The following CPQ variants were observed in gnomAD, a reference collection of about 807,000 sequenced individuals.
CPQ encodes carboxypeptidase Q.
In CPQ, 37 loss-of-function variants were observed where a neutral mutation model predicts 45.7. That is an observed-to-expected ratio of 0.81 (90% CI 0.62 to 1.07). The LOEUF (loss-of-function observed/expected upper bound fraction) is 1.07, where lower values mean the gene tolerates loss of function less well. Ranked by LOEUF, CPQ falls within the 50% of genes least tolerant of loss-of-function variation. CPQ has a pLI of 0.00. For synonymous variants in CPQ, 186 were observed against 205.8 expected, an observed-to-expected ratio of 0.90 and a Z score of 0.82; for missense variants, 537 against 572.9, an observed-to-expected ratio of 0.94 and a Z score of 0.64.
intron 6 of CPQ, among the ~76,000 whole-genome samples, chr8:97,062,735 C>T (rs1434996177): frequency 6.6e-6 from 1 of 152,114 alleles, no homozygotes; most frequent in Non-Finnish European, 1.5e-5. Flanking sequence ...ATTTGGTTTT[C>T]CATTTCTGAC....
intron 4 of CPQ, among the ~76,000 whole-genome samples, chr8:96,904,098 A>T (rs556922815): frequency 6.6e-6 from 1 of 152,266 alleles, no homozygotes; most frequent in African/African-American, 2.4e-5. Context: ...TGGTGACCTC[A>T]CAGGGTCACC....
rs144852376 is a variant in CPQ, at chr8:96,794,389, C to T, written c.433+9059C>T. 7.4e-4 allele frequency among the ~76,000 whole-genome samples: 112 copies of T among 152,266 alleles called. 1 individual carries two copies. Among genetic ancestry groups the T allele is most frequent in the African/African-American group, 8.9e-4 (37 of 41,552 alleles). Reference sequence around the variant, plus strand: ...TGGCCCCTTTCAGCCACAACTAGAGCGACTGGAACGCAGGTCACCAATTCC... The same window carrying T: ...TGGCCCCTTTCAGCCACAACTAGAGTGACTGGAACGCAGGTCACCAATTCC... On this transcript the variant is annotated intron_variant, in intron 2 of 7. Transcript: ENST00000220763.
At chr8:96,742,087 CCATT>C (rs1221525811) in intron 1 of CPQ, among the ~76,000 whole-genome samples, 1 of 142,818 alleles carries the variant, frequency 7.0e-6, no homozygotes, top group African/African-American at 2.7e-5. Context: ...TTAAAGTCTC[CCATT>C]ATTAATGTGT....
intron 4 of CPQ, among the ~76,000 whole-genome samples, chr8:96,881,439 G>A (rs576255934): frequency 6.6e-6 from 1 of 152,270 alleles, no homozygotes; most frequent in African/African-American, 2.4e-5. Flanking sequence ...GCACCAGGGG[G>A]ATGGTGCTAA....
intron 4 of CPQ, among the ~76,000 whole-genome samples, chr8:96,958,216 A>C (rs1446544509): frequency 2.0e-5 from 3 of 152,148 alleles, no homozygotes; most frequent in Non-Finnish European, 4.4e-5. Flanking sequence ...AGTTGTAAGG[A>C]ATGAGAAGTT....
intron 3 of CPQ, among the ~76,000 whole-genome samples, chr8:96,839,755 T>C (rs1156726924): frequency 2.0e-5 from 3 of 152,164 alleles, no homozygotes; most frequent in Non-Finnish European, 2.9e-5. Context: ...ATTAGTGTTA[T>C]TTATTTTATA....
intron 7 of CPQ, among the ~76,000 whole-genome samples, chr8:97,066,919 T>A (rs1265776629): frequency 1.2e-4 from 3 of 25,616 alleles, no homozygotes; most frequent in Admixed American, 3.9e-4. Flanking sequence ...GAACAGTCTT[T>A]TTTTTTTTTT....
At chr8:96,682,321 T>A (rs1324418049) in intron 1 of CPQ, among the ~76,000 whole-genome samples, 2 of 152,162 alleles carry the variant, frequency 1.3e-5, no homozygotes, top group Non-Finnish European at 2.9e-5. Context: ...TACTCACTCG[T>A]GATAGTGAGT....
intron 5 of CPQ, among the ~76,000 whole-genome samples, chr8:97,010,878 A>G (rs1809475932): frequency 6.6e-6 from 1 of 152,104 alleles, no homozygotes; most frequent in Non-Finnish European, 1.5e-5. Flanking sequence ...ATATATTTAT[A>G]TTTAATATTT....
intron 4 of CPQ, among the ~76,000 whole-genome samples, chr8:96,951,038 T>G (rs1250470342): frequency 6.6e-6 from 1 of 152,152 alleles, no homozygotes; most frequent in Admixed American, 6.6e-5. Context: ...TTATGGAGAT[T>G]AAAATTCATA....
chr8:96,681,973 C>G (rs1809158776), intron 1 of CPQ, among the ~76,000 whole-genome samples: 1 of 152,132 alleles, frequency 6.6e-6, no homozygotes, highest in Non-Finnish European at 1.5e-5. Context: ...TGCTTGTACC[C>G]CCATTGTATC....
At chr8:97,005,184 C>T (rs147482086) in intron 5 of CPQ, among the ~76,000 whole-genome samples, 125 of 151,664 alleles carry the variant, frequency 8.2e-4, no homozygotes, top group Middle Eastern at 3.4e-3. Flanking sequence ...CGGGTTCAAG[C>T]GGTTCTTCTG....
At chr8:96,743,034 T>A (rs1212904636) in intron 1 of CPQ, among the ~76,000 whole-genome samples, 1 of 152,200 alleles carries the variant, frequency 6.6e-6, no homozygotes, top group Non-Finnish European at 1.5e-5. Flanking sequence ...CCTTGCTAGA[T>A]TGGGGAAGTT....
rs566662414 is a variant in CPQ at position 97,010,871 on chromosome 8, T to C, written c.962-18532T>C. On this transcript the variant is annotated intron_variant, in intron 5 of 7. Coordinates refer to ENST00000220763, the MANE Select transcript of CPQ (RefSeq NM_016134.4). Reference sequence around the variant, plus strand: ...TTTATTTCTGACAACAAAATTAATATATTTATATTTAATATTTGGAGCTTT... The same window carrying C: ...TTTATTTCTGACAACAAAATTAATACATTTATATTTAATATTTGGAGCTTT... 2.3e-3 allele frequency among the ~76,000 whole-genome samples: 346 copies of C among 152,288 alleles called. 1 individual carries two copies. Among genetic ancestry groups the C allele is most frequent in the African/African-American group, 7.9e-3 (329 of 41,562 alleles).
chr8:96,909,272 A>C (rs562516166), intron 4 of CPQ, among the ~76,000 whole-genome samples: 1 of 151,578 alleles, frequency 6.6e-6, no homozygotes, highest in African/African-American at 2.4e-5. Context: ...TTTAATGGCC[A>C]CTCCTTATTG....
At chr8:96,988,003 C>A (rs997372346) in intron 5 of CPQ, among the ~76,000 whole-genome samples, 5 of 152,170 alleles carry the variant, frequency 3.3e-5, no homozygotes, top group African/African-American at 9.7e-5. Flanking sequence ...TGTCTGTCAG[C>A]AACTATGTAG....
At chr8:97,093,403 T>C (rs1811157043) in intron 7 of CPQ, among the ~76,000 whole-genome samples, 1 of 152,072 alleles carries the variant, frequency 6.6e-6, no homozygotes, top group Admixed American at 6.6e-5. Flanking sequence ...TAGCAAAACA[T>C]GGAATTAACC....
intron 3 of CPQ, among the ~76,000 whole-genome samples, chr8:96,872,332 C>G (rs1309887342): frequency 1.3e-5 from 2 of 151,836 alleles, no homozygotes; most frequent in Non-Finnish European, 2.9e-5. Context: ...GTGGAATTTT[C>G]CATTTGTGGC....
chr8:96,676,530 G>A (rs1362362457), intron 1 of CPQ, among the ~76,000 whole-genome samples: 4 of 151,456 alleles, frequency 2.6e-5, no homozygotes, highest in Non-Finnish European at 4.4e-5. Flanking sequence ...GTATATATAT[G>A]CCACATTTTC....
Sources: allele counts gnomAD v4.1 joint callset (sites outside exome capture counted in the v4.1 genomes callset), GRCh38; gene constraint gnomAD v4.1.1; transcripts MANE v1.5; gene names NCBI Gene and HGNC (gene_info 2026-07-23, HGNC 2026-07-21).